Variants in METTL15 observed in about 807,000 individuals in gnomAD.
The protein encoded by METTL15 is methyltransferase 15, mitochondrial 12S rRNA N4-cytidine.
Under a neutral mutation model 38.3 loss-of-function variants are expected in METTL15, and 34 were observed. The observed-to-expected ratio is 0.89, with a 90% CI of 0.68 to 1.18. The LOEUF (loss-of-function observed/expected upper bound fraction) is 1.18. Among genes scored for constraint, METTL15 ranks in the 50% most tolerant of loss-of-function variants. The probability of loss-of-function intolerance (pLI) is 0.00; values close to 1 mark genes in which losing one functional copy is unlikely to be tolerated. For missense variants in METTL15, 438 were observed against 498.4 expected (o/e 0.88, Z 1.15); for synonymous variants, 162 against 170.9 (o/e 0.95, Z 0.41).
At chr11:28,429,974 A>T (rs1478265589) in intron 6 of METTL15, among the ~76,000 whole-genome samples, 15 of 103,414 alleles carry the variant, frequency 1.5e-4, no homozygotes, top group African/African-American at 5.0e-4. Context: ...CCGGCCGCCC[A>T]TCGTCTGAGA....
intron 4 of METTL15, among the ~76,000 whole-genome samples, chr11:28,213,818 G>A (rs1413506936): frequency 6.6e-6 from 1 of 151,666 alleles, no homozygotes; most frequent in Non-Finnish European, 1.5e-5. Flanking sequence ...ACCGTGCCTG[G>A]CTAATTTTTT....
downstream of METTL15, among the ~76,000 whole-genome samples, chr11:28,528,808 T>C (rs1851828415): frequency 6.6e-6 from 1 of 152,306 alleles, no homozygotes; most frequent in Non-Finnish European, 1.5e-5. Flanking sequence ...GAGCACTCTT[T>C]AAAATAGAGG....
chr11:28,340,700 G>A (rs1396705535), intron 3 of METTL15, among the ~76,000 whole-genome samples: 3 of 152,118 alleles, frequency 2.0e-5, no homozygotes, highest in Non-Finnish European at 2.9e-5. Flanking sequence ...TGGAGAAATA[G>A]GAACACTTTT....
At chr11:28,198,559 A>G (rs1851990977) in intron 3 of METTL15, among the ~76,000 whole-genome samples, 1 of 152,136 alleles carries the variant, frequency 6.6e-6, no homozygotes, top group African/African-American at 2.4e-5. Flanking sequence ...ATTTATTGCA[A>G]TGCATTAATT....
At chr11:28,424,872 C>T (rs1850851094) in intron 6 of METTL15, among the ~76,000 whole-genome samples, 1 of 152,162 alleles carries the variant, frequency 6.6e-6, no homozygotes. Context: ...TGTGGTACCA[C>T]TACAGGGATG....
At chr11:28,152,207 A>C (rs1053602065) in intron 3 of METTL15, among the ~76,000 whole-genome samples, 21 of 151,754 alleles carry the variant, frequency 1.4e-4, no homozygotes, top group Non-Finnish European at 2.1e-4. Context: ...TGATATAATT[A>C]GTTTTATATG....
chr11:28,230,028 G>A (rs1231115941), intron 4 of METTL15, among the ~76,000 whole-genome samples: 2 of 151,738 alleles, frequency 1.3e-5, no homozygotes, highest in Non-Finnish European at 2.9e-5. Context: ...TTTTTTCTCA[G>A]TAAAGAAGGT....
intron 6 of METTL15, among the ~76,000 whole-genome samples, chr11:28,484,792 C>T (rs972965609): frequency 4.6e-5 from 7 of 152,240 alleles, no homozygotes; most frequent in African/African-American, 1.7e-4. Context: ...GAAGGTGAGA[C>T]TTGACTCCAG....
At position 28,118,041 on chromosome 11, in the gene METTL15, C is replaced by T. The variant is rs182772810; in HGVS notation, c.270+4437C>T. Among the ~76,000 whole-genome samples, 373 of 151,802 alleles carry T rather than the reference C, an allele frequency of 2.5e-3. 2 individuals are homozygous for T. The highest frequency in any genetic ancestry group is 4.4e-3 in the Non-Finnish European group (299 of 67,972). On this transcript the variant is annotated intron_variant, in intron 3 of 6. Transcript: ENST00000407364. The stretch of plus-strand genomic sequence containing the variant: ...TTTTTGAGACGGAGTTTCGCTCTGT[C>T]GTCCAGGCTGGAGTACAGTGGCACA...
intron 6 of METTL15, 64 bp downstream of exon 6, chr11:28,296,995 TTGTG>T: frequency 6.5e-7 from 1 of 1,529,324 alleles, no homozygotes; most frequent in South Asian, 1.1e-5. Context: ...GTGCATGTGT[TTGTG>T]TGCATGCACG....
chr11:28,203,396 G>A (rs1450073500), intron 3 of METTL15, among the ~76,000 whole-genome samples: 1 of 151,982 alleles, frequency 6.6e-6, no homozygotes, highest in Non-Finnish European at 1.5e-5. Flanking sequence ...AAATTAGGTT[G>A]GTAGAACACT....
At chr11:28,439,031 AAAAGTGCTGT>A (rs1388847981) in intron 6 of METTL15, among the ~76,000 whole-genome samples, 1 of 151,854 alleles carries the variant, frequency 6.6e-6, no homozygotes, top group Non-Finnish European at 1.5e-5. Context: ...TGCAAAAAAA[AAAAGTGCTGT>A]AAGTGCTGTG....
intron 3 of METTL15, among the ~76,000 whole-genome samples, chr11:28,151,458 C>T (rs547848732): frequency 1.3e-5 from 2 of 151,954 alleles, no homozygotes; most frequent in South Asian, 4.2e-4. Context: ...GTTCCTTTAC[C>T]ACCAGGCCCA....
At chr11:28,475,744 G>A (rs1453235058) in intron 6 of METTL15, among the ~76,000 whole-genome samples, 1 of 152,184 alleles carries the variant, frequency 6.6e-6, no homozygotes, top group Non-Finnish European at 1.5e-5. Context: ...GCGGTCCAAA[G>A]GGAATTCAAC....
chr11:28,516,448 C>A (rs1269826635), intron 6 of METTL15, among the ~76,000 whole-genome samples: 2 of 152,156 alleles, frequency 1.3e-5, no homozygotes, highest in Non-Finnish European at 2.9e-5. Context: ...TAAAACTAGC[C>A]TCAGCTGATG....
chr11:28,288,504 C>G (rs1399662982), intron 4 of METTL15, among the ~76,000 whole-genome samples: 1 of 152,142 alleles, frequency 6.6e-6, no homozygotes, highest in Non-Finnish European at 1.5e-5. Context: ...GAGAACATGG[C>G]CTTTGCAGGA....
At chr11:28,140,805 G>T (rs749661938) in intron 3 of METTL15, among the ~76,000 whole-genome samples, 9 of 152,152 alleles carry the variant, frequency 5.9e-5, no homozygotes, top group Non-Finnish European at 1.3e-4. Context: ...CTTGTATAAG[G>T]TGTGAATTCC....
At chr11:28,338,704 A>G (rs1849923269) in intron 3 of METTL15, among the ~76,000 whole-genome samples, 1 of 152,194 alleles carries the variant, frequency 6.6e-6, no homozygotes, top group Non-Finnish European at 1.5e-5. Flanking sequence ...CCTAGATTTA[A>G]ATAAAAGAAA....
At chr11:28,217,902 G>A (rs1423989480) in intron 4 of METTL15, among the ~76,000 whole-genome samples, 5 of 151,856 alleles carry the variant, frequency 3.3e-5, no homozygotes, top group East Asian at 1.9e-4. Flanking sequence ...GGCTCTATTC[G>A]GTTCCTTTGG....
Sources: gnomAD v4.1 joint callset for allele counts (sites outside exome capture counted in the v4.1 genomes callset) on GRCh38, gnomAD v4.1.1 for gene constraint, MANE v1.5 for transcripts, NCBI Gene and HGNC (gene_info 2026-07-23, HGNC 2026-07-21) for gene names.